The following SERTAD2 variants were observed in gnomAD, a reference collection of about 807,000 sequenced individuals.
SERTAD2 encodes SERTA domain-containing protein 2.
A neutral mutation model predicts 15.4 loss-of-function variants in SERTAD2; 2 were observed. That is an observed-to-expected ratio of 0.13 (90% CI 0.05 to 0.41). The LOEUF is 0.41. SERTAD2 is among the 10% of genes least tolerant of loss of function. The probability of loss-of-function intolerance (pLI) is 0.99; values close to 1 mark genes in which losing one functional copy is unlikely to be tolerated. For synonymous variants in SERTAD2, 180 were observed against 178.0 expected, an observed-to-expected ratio of 1.01 and a Z score of -0.09; for missense variants, 333 against 409.7, an observed-to-expected ratio of 0.81 and a Z score of 1.62.
intron 1 of SERTAD2, among the ~76,000 whole-genome samples, chr2:64,637,316 T>C (rs74591415): frequency 0.011 from 1,617 of 152,328 alleles, 11 homozygotes; most frequent in Non-Finnish European, 0.017. Flanking sequence ...ACAGGTGTCA[T>C]AGATTACAGC....
intron 1 of SERTAD2, among the ~76,000 whole-genome samples, chr2:64,645,448 A>C (rs1441172809): frequency 3.3e-5 from 5 of 152,196 alleles, no homozygotes; most frequent in Non-Finnish European, 7.3e-5. Context: ...GCCCCAAGTA[A>C]ATTTAAGAAA....
At chr2:64,643,849 G>A (rs1045599692) in intron 1 of SERTAD2, among the ~76,000 whole-genome samples, 13 of 151,084 alleles carry the variant, frequency 8.6e-5, no homozygotes, top group Non-Finnish European at 1.9e-4. Flanking sequence ...CTGGGTGACA[G>A]AGTAAAACTC....
intron 1 of SERTAD2, among the ~76,000 whole-genome samples, chr2:64,652,618 A>T (rs527469293): frequency 2.5e-4 from 38 of 152,244 alleles, no homozygotes; most frequent in African/African-American, 8.7e-4. Flanking sequence ...AGGCTGCCCA[A>T]TTCGATTCAA....
At position 64,634,854 on chromosome 2, in the gene SERTAD2, T is replaced by C. The variant is rs534516886; in HGVS notation, c.*1073A>G. On this transcript the variant is annotated 3_prime_UTR_variant, in exon 2 of 2. Coordinates refer to ENST00000313349, the MANE Select transcript of SERTAD2 (RefSeq NM_014755.3). The stretch of plus-strand genomic sequence containing the variant: ...TCTGGGTTTTCATTAAAAAACAAAA[T>C]AAAAACAATTAAAAGCGCAAACTTG... The C allele has an allele frequency of 6.6e-6, 1 of 152,514 alleles. No homozygotes were observed. Among genetic ancestry groups the C allele is most frequent in the Non-Finnish European group, 1.5e-5 (1 of 67,984 alleles). The allele number at this position is 152,514 out of a possible 1,614,324, so 9.4% of individuals were successfully genotyped here.
chr2:64,653,369 C>T (rs1019535205), intron 1 of SERTAD2, among the ~76,000 whole-genome samples: 1 of 152,108 alleles, frequency 6.6e-6, no homozygotes, highest in African/African-American at 2.4e-5. Flanking sequence ...CTCCTGACCC[C>T]GGCCCTGCCC....
At position 64,636,592 on chromosome 2, in the gene SERTAD2, T is replaced by C; in HGVS notation, c.280A>G (p.Thr94Ala). Residue 94 changes from threonine (T) to alanine (A), a missense_variant, in exon 2 of 2, where the codon ACC becomes GCC. Thr to Ala is a moderately conservative substitution (Grantham distance 58). Around this residue, in one of 2 missense-constraint regions of SERTAD2, gnomAD observed 332 missense variants for 392.9 expected, o/e 0.84. Coordinates refer to ENST00000313349, the MANE Select transcript of SERTAD2 (RefSeq NM_014755.3). ...PMFTPSSQPT[T>A]EPSDSYREAP... is the part of the protein sequence containing the mutation. ...TCTCGGTAGCTGTCGCTGGGCTCGG[T>C]GGTGGGCTGGGAGGAGGGGGTGAAC... is the stretch of plus-strand genomic sequence containing the variant. The C allele has an allele frequency of 6.2e-7, 1 of 1,604,386 alleles. No individual in the cohort carries two copies.
At chr2:64,642,790 G>A (rs1674803455) in intron 1 of SERTAD2, among the ~76,000 whole-genome samples, 2 of 152,174 alleles carry the variant, frequency 1.3e-5, no homozygotes, top group Admixed American at 1.3e-4. Flanking sequence ...CACCAAGGCT[G>A]GCTTGCTGGG....
At position 64,636,517 on chromosome 2, in the gene SERTAD2, C is replaced by T; in HGVS notation, c.355G>A (p.Asp119Asn). ...TCCAGGGGCGTAGTGCTTCCGAGGT[C>T]GCAGGGGTGGGAGGACGGGGACGCC... Reference protein sequence around the residue: ...HLASPSSHPCDLGSTTPLEAC... With the variant: ...HLASPSSHPCNLGSTTPLEAC... Residue 119 changes from aspartate to asparagine, a missense_variant, in exon 2 of 2, where the codon GAC becomes AAC. By Grantham distance (23) the Asp-to-Asn change is conservative. Coordinates refer to ENST00000313349, the MANE Select transcript of SERTAD2 (RefSeq NM_014755.3). 1.9e-6 allele frequency: 3 copies of T among 1,605,292 alleles called. No homozygotes were observed. The highest frequency in any genetic ancestry group is 1.7e-6 in the Non-Finnish European group (2 of 1,174,324).
At chr2:64,643,384 G>C (rs1674818037) in intron 1 of SERTAD2, among the ~76,000 whole-genome samples, 1 of 152,204 alleles carries the variant, frequency 6.6e-6, no homozygotes, top group African/African-American at 2.4e-5. Flanking sequence ...AGTGGGGTGA[G>C]CTGGCCATGC....
At chr2:64,637,839 T>C (rs544000724) in intron 1 of SERTAD2, among the ~76,000 whole-genome samples, 35 of 152,330 alleles carry the variant, frequency 2.3e-4, no homozygotes, top group African/African-American at 8.2e-4. Context: ...GGCTGTGTCC[T>C]CTCTTGCTCT....
chr2:64,634,481 G>A lies in SERTAD2; in HGVS notation c.*1446C>T, dbSNP rs1322853902. 1 of 152,218 alleles carries A rather than the reference G, an allele frequency of 6.6e-6. No individual in the cohort carries two copies. The highest frequency in any genetic ancestry group is 1.5e-5 in the Non-Finnish European group (1 of 68,046). 9.4% of individuals were successfully genotyped at this position (152,218 alleles called of 1,614,324 possible). A position where few individuals can be genotyped will look rare whatever the true frequency, so the allele number is the denominator to read the frequency against. On this transcript the variant is annotated 3_prime_UTR_variant, in exon 2 of 2. Coordinates refer to ENST00000313349, the MANE Select transcript of SERTAD2 (RefSeq NM_014755.3). Reference sequence around the variant, plus strand: ...AGTGTGAAGTAGCTGACTCAGGAAAGCAACCAGATGGGAAGCTGTGACGTA... The same window carrying A: ...AGTGTGAAGTAGCTGACTCAGGAAAACAACCAGATGGGAAGCTGTGACGTA...
intron 1 of SERTAD2, among the ~76,000 whole-genome samples, chr2:64,653,114 A>G (rs1386827168): frequency 6.6e-6 from 1 of 152,204 alleles, no homozygotes; most frequent in Non-Finnish European, 1.5e-5. Flanking sequence ...GTGGAGAGGA[A>G]GGTTTTCAAC....
intron 1 of SERTAD2, among the ~76,000 whole-genome samples, chr2:64,640,061 G>T (rs1674738271): frequency 6.6e-6 from 1 of 152,112 alleles, no homozygotes; most frequent in African/African-American, 2.4e-5. Context: ...TCTCTGTTTT[G>T]TATTATAAGG....
rs913511661 is a variant in SERTAD2 at position 64,634,384 on chromosome 2, G to GT, written c.*1542_*1543insA. 5.5e-5 allele frequency: 8 copies of GT among 145,308 alleles called. No individual in the cohort carries two copies. The highest frequency in any genetic ancestry group is 2.0e-4 in the African/African-American group (8 of 39,318). 9.0% of individuals were successfully genotyped at this position (145,308 alleles called of 1,614,324 possible). A position where few individuals can be genotyped will look rare whatever the true frequency, so the allele number is the denominator to read the frequency against. The stretch of plus-strand genomic sequence containing the variant: ...TCCTGGGAGATAAGGTGATGGGGGG[G>GT]GGAATTGGGGGGAGGAGGGAAAACA... On this transcript the variant is annotated 3_prime_UTR_variant, in exon 2 of 2. Transcript: ENST00000313349.
intron 1 of SERTAD2, among the ~76,000 whole-genome samples, chr2:64,647,625 T>TAA (rs1197160427): frequency 1.3e-5 from 2 of 151,828 alleles, no homozygotes; most frequent in South Asian, 2.1e-4. Flanking sequence ...GTGGGGAACT[T>TAA]AGAGTAGAAA....
intron 1 of SERTAD2, among the ~76,000 whole-genome samples, chr2:64,639,495 A>G (rs1022742593): frequency 2.0e-5 from 3 of 152,236 alleles, no homozygotes; most frequent in African/African-American, 7.2e-5. Flanking sequence ...CGTAAGTGTA[A>G]AACAAAATAC....
chr2:64,631,872 T>C lies in SERTAD2; in HGVS notation c.*4055A>G, dbSNP rs1437631829. The stretch of plus-strand genomic sequence containing the variant: ...ACCATGCACCAAACATGTCACTATG[T>C]ACATCTTTTTTCAAAATCTCGGTCA... On this transcript the variant is annotated 3_prime_UTR_variant, in exon 2 of 2. Coordinates refer to ENST00000313349, the MANE Select transcript of SERTAD2 (RefSeq NM_014755.3). 1 of 152,676 alleles carries C rather than the reference T, an allele frequency of 6.5e-6. No individual in the cohort carries two copies. Among genetic ancestry groups the C allele is most frequent in the African/African-American group, 2.4e-5 (1 of 41,466 alleles). The allele number at this position is 152,676 out of a possible 1,614,324, so 9.5% of individuals were successfully genotyped here.
rs1175782405 is a variant in SERTAD2, at chr2:64,636,499, G to C, written c.373C>G (p.Pro125Ala). ...SHPCDLGSTT[P>A]LEACLTPASL... The stretch of plus-strand genomic sequence containing the variant: ...GCCGGGGTGAGGCAGGCCTCCAGGG[G>C]CGTAGTGCTTCCGAGGTCGCAGGGG... The change falls in exon 2 of 2, where the codon CCC (proline) becomes GCC (alanine). Residue 125 changes from proline to alanine, a missense_variant. By Grantham distance (27) the Pro-to-Ala change is conservative. Transcript: ENST00000313349. 3 of 1,610,666 alleles carry C rather than the reference G, an allele frequency of 1.9e-6. No homozygotes were observed. The highest frequency in any genetic ancestry group is 1.3e-5 in the African/African-American group (1 of 74,966).
chr2:64,651,452 T>C (rs1308006069), intron 1 of SERTAD2, among the ~76,000 whole-genome samples: 1 of 152,220 alleles, frequency 6.6e-6, no homozygotes, highest in Non-Finnish European at 1.5e-5. Flanking sequence ...CTTTCTAAAG[T>C]AGTGTTGTAA....
Sources: allele counts gnomAD v4.1 joint callset (sites outside exome capture counted in the v4.1 genomes callset), GRCh38; gene constraint gnomAD v4.1.1; regional missense constraint gnomAD v4.1.1; transcripts MANE v1.5; gene names NCBI Gene and HGNC (gene_info 2026-07-23, HGNC 2026-07-21).